Variants in LRRC4B observed in about 807,000 individuals in gnomAD.
The protein encoded by LRRC4B is leucine-rich repeat-containing protein 4B.
LRRC4B carries 1 observed loss-of-function variant against 7.3 expected under a neutral mutation model. The ratio of observed to expected loss-of-function variants is 0.14; its 90% CI spans 0.05 to 0.65. LRRC4B has a LOEUF of 0.65. Ranked by LOEUF, LRRC4B falls within the 30% of genes least tolerant of loss-of-function variation. LRRC4B has a pLI of 0.84. For synonymous variants in LRRC4B, 500 were observed against 499.2 expected (o/e 1.00, Z -0.02); for missense variants, 730 against 1,041.6 (o/e 0.70, Z 4.12).
At chr19:50,525,524 G>A (rs531005469) in intron 2 of LRRC4B, among the ~76,000 whole-genome samples, 122 of 150,938 alleles carry the variant, frequency 8.1e-4, no homozygotes, top group African/African-American at 2.8e-3. Context: ...TCCTGCCTCA[G>A]CCTCCCAAGT....
intron 1 of LRRC4B, among the ~76,000 whole-genome samples, chr19:50,558,412 T>C (rs1008394009): frequency 6.6e-6 from 1 of 152,180 alleles, no homozygotes; most frequent in Admixed American, 6.5e-5. Context: ...TGTATTTTTG[T>C]AGAGATAAGC....
chr19:50,528,878 G>A (rs1009115912), intron 2 of LRRC4B, among the ~76,000 whole-genome samples: 4 of 152,136 alleles, frequency 2.6e-5, no homozygotes, highest in African/African-American at 4.8e-5. Flanking sequence ...CTGCAGGTGC[G>A]GGTCCTGAGG....
intron 2 of LRRC4B, among the ~76,000 whole-genome samples, chr19:50,525,350 G>A (rs1980759114): frequency 6.6e-6 from 1 of 151,934 alleles, no homozygotes; most frequent in African/African-American, 2.4e-5. Context: ...CCATGCCCTT[G>A]GGATTACAGC....
intron 2 of LRRC4B, among the ~76,000 whole-genome samples, chr19:50,530,355 G>T (rs756486330): frequency 6.6e-6 from 1 of 152,094 alleles, no homozygotes; most frequent in Non-Finnish European, 1.5e-5. Context: ...CCCCTCACTC[G>T]CAGCCCTCAC....
intron 2 of LRRC4B, among the ~76,000 whole-genome samples, chr19:50,547,738 C>A (rs191733781): frequency 2.0e-5 from 3 of 150,864 alleles, no homozygotes; most frequent in Admixed American, 1.3e-4. Flanking sequence ...ATAGGGCAGG[C>A]CCCAAATGTC....
At chr19:50,554,056 C>T (rs113732324) in intron 1 of LRRC4B, among the ~76,000 whole-genome samples, 9,287 of 147,416 alleles carry the variant, frequency 0.063, 979 homozygotes, top group African/African-American at 0.22. Context: ...TGCAGTGGCG[C>T]GATCTCAGCT....
chr19:50,528,742 A>G (rs755289452), intron 2 of LRRC4B, among the ~76,000 whole-genome samples: 5 of 152,200 alleles, frequency 3.3e-5, no homozygotes, highest in Non-Finnish European at 7.3e-5. Flanking sequence ...GCTATTTCAC[A>G]GGCAGGAGGG....
intron 2 of LRRC4B, among the ~76,000 whole-genome samples, chr19:50,521,172 C>G (rs1980563683): frequency 6.6e-6 from 1 of 152,110 alleles, no homozygotes; most frequent in Non-Finnish European, 1.5e-5. Flanking sequence ...TTACACTGAG[C>G]AAAAGACGCC....
At position 50,519,073 on chromosome 19, in the gene LRRC4B, G is replaced by T; in HGVS notation, c.640C>A (p.Leu214Met). ...EGLVNLRYLN[L>M]GMCNLKDIPN... ...ATGTCCTTGAGGTTGCACATGCCCA[G>T]GTTGAGGTAGCGCAGGTTGACCAGC... Residue 214 changes from leucine (L) to methionine (M), a missense_variant, in exon 3 of 3, where the codon CTG (leucine) becomes ATG (methionine). Physicochemically the swap from Leu to Met is conservative, Grantham distance 15. Around this residue, in one of 6 missense-constraint regions of LRRC4B, gnomAD observed 226 missense variants for 448.0 expected, o/e 0.50. Transcript: ENST00000652263. The surrounding 1 kb of genome is among the most constrained non-coding windows in gnomAD (Gnocchi z 8.1). 1.9e-6 allele frequency: 3 copies of T among 1,609,232 alleles called. No homozygotes were observed. The highest frequency in any genetic ancestry group is 2.5e-6 in the Non-Finnish European group (3 of 1,179,914).
Position 50,517,558 on chromosome 19 carries a change from C to T in LRRC4B, c.*13G>A. On this transcript the variant is annotated 3_prime_UTR_variant, in exon 3 of 3. Transcript: ENST00000652263. The surrounding 1 kb of genome is among the most constrained non-coding windows in gnomAD (Gnocchi z 6.6). ...GGGGGCTCCACGCCCCTCGCCCGCCCGGCCCCGCCGCCTCAGATCTGCGTC... is the reference window on the plus strand; with the variant it reads ...GGGGGCTCCACGCCCCTCGCCCGCCTGGCCCCGCCGCCTCAGATCTGCGTC... The T allele has an allele frequency of 7.0e-6, 10 of 1,418,972 alleles. No homozygotes were observed. Among genetic ancestry groups the T allele is most frequent in the Middle Eastern group, 2.4e-4 (1 of 4,082 alleles). The allele number at this position is 1,418,972 out of a possible 1,614,324, so 87.9% of individuals were successfully genotyped here.
intron 1 of LRRC4B, among the ~76,000 whole-genome samples, chr19:50,557,335 C>G (rs1982311614): frequency 6.6e-6 from 1 of 152,174 alleles, no homozygotes; most frequent in South Asian, 2.1e-4. Context: ...GCCCCAATCT[C>G]CACTCACAGG....
chr19:50,518,044 T>C lies in LRRC4B; in HGVS notation c.1669A>G (p.Ile557Val). 6.4e-7 allele frequency: 1 copy of C among 1,574,134 alleles called. No individual in the cohort carries two copies. Among genetic ancestry groups the C allele is most frequent in the Non-Finnish European group, 8.6e-7 (1 of 1,163,556 alleles). Residue 557 changes from isoleucine to valine, a missense_variant, in exon 3 of 3, where the codon ATC becomes GTC. Physicochemically the swap from Ile to Val is conservative, Grantham distance 29. Around this residue, in one of 6 missense-constraint regions of LRRC4B, gnomAD observed 192 missense variants for 228.6 expected, o/e 0.84. Coordinates refer to ENST00000652263, the MANE Select transcript of LRRC4B (RefSeq NM_001080457.2). ...RPTEKAFTVPITDVTENALKD... is the reference protein window; with the variant it reads ...RPTEKAFTVPVTDVTENALKD... ...AGGGCGTTCTCCGTCACATCCGTGA[T>C]GGGCACCGTGAACGCCTTCTCCGTG... is the stretch of plus-strand genomic sequence containing the variant.
intron 1 of LRRC4B, among the ~76,000 whole-genome samples, chr19:50,558,196 T>TACACAC (rs1303722699): frequency 2.2e-5 from 2 of 92,462 alleles, no homozygotes; most frequent in Non-Finnish European, 4.5e-5. Context: ...GTCAACTGTA[T>TACACAC]ACATACACAC....
intron 1 of LRRC4B, among the ~76,000 whole-genome samples, chr19:50,559,161 G>A (rs985853124): frequency 6.6e-6 from 1 of 152,242 alleles, no homozygotes; most frequent in Non-Finnish European, 1.5e-5. Flanking sequence ...AGGGCCGGGG[G>A]TGGTGGCTCA....
At chr19:50,552,012 C>G (rs1015452308) in intron 1 of LRRC4B, among the ~76,000 whole-genome samples, 17 of 152,180 alleles carry the variant, frequency 1.1e-4, no homozygotes, top group Admixed American at 3.9e-4. Flanking sequence ...CCCATTGGTT[C>G]TGGGCAGCCG....
intron 2 of LRRC4B, among the ~76,000 whole-genome samples, chr19:50,524,123 T>C (rs1568718207): frequency 6.6e-6 from 1 of 152,218 alleles, no homozygotes; most frequent in Non-Finnish European, 1.5e-5. Flanking sequence ...AACCCAGATA[T>C]ACCTGAGAGG....
rs906672628 is a variant in LRRC4B at position 50,553,927 on chromosome 19, C to T, written c.-35-5054G>A. On this transcript the variant is annotated intron_variant, in intron 1 of 2. Coordinates refer to ENST00000652263, the MANE Select transcript of LRRC4B (RefSeq NM_001080457.2). The surrounding 1 kb of genome is among the most constrained non-coding windows in gnomAD (Gnocchi z 4.2). ...ATAGCTGCACAATGCAGGCTCCCAG[C>T]CCTGGACACCCTCGGTCCCCAGGTC... Among the ~76,000 whole-genome samples, 1 of 152,042 alleles carries T rather than the reference C, an allele frequency of 6.6e-6. No homozygotes were observed. The highest frequency in any genetic ancestry group is 1.5e-5 in the Non-Finnish European group (1 of 67,996).
intron 1 of LRRC4B, among the ~76,000 whole-genome samples, chr19:50,564,702 C>A (rs574262375): frequency 7.2e-4 from 109 of 151,878 alleles, no homozygotes; most frequent in African/African-American, 2.5e-3. Flanking sequence ...AGATGCCCGG[C>A]CAGAGAGAGT....
intron 2 of LRRC4B, among the ~76,000 whole-genome samples, chr19:50,546,358 A>C (rs1351091190): frequency 1.3e-5 from 2 of 151,972 alleles, no homozygotes; most frequent in Non-Finnish European, 2.9e-5. Context: ...AAATAAATAC[A>C]AAAATAAAGA....
Sources: allele counts gnomAD v4.1 joint callset (sites outside exome capture counted in the v4.1 genomes callset), GRCh38; gene constraint gnomAD v4.1.1; regional missense constraint gnomAD v4.1.1; non-coding constraint Gnocchi (gnomAD v3.1); transcripts MANE v1.5; gene names NCBI Gene and HGNC (gene_info 2026-07-23, HGNC 2026-07-21).